Variants in SLC16A10 observed in about 807,000 individuals in gnomAD.
The protein encoded by SLC16A10 is solute carrier family 16 member 10.
A neutral mutation model predicts 40.0 loss-of-function variants in SLC16A10; 27 were observed. That is an observed-to-expected ratio of 0.67 (90% CI 0.50 to 0.93). The LOEUF (loss-of-function observed/expected upper bound fraction) is 0.93, where lower values mean the gene tolerates loss of function less well. Ranked by LOEUF, SLC16A10 falls within the 40% of genes least tolerant of loss-of-function variation. SLC16A10 has a pLI of 0.00. For synonymous variants in SLC16A10, 213 were observed against 249.8 expected (o/e 0.85, Z 1.39); for missense variants, 529 against 658.2 (o/e 0.80, Z 2.15).
At chr6:111,099,742 G>T (rs949323538) in intron 1 of SLC16A10, among the ~76,000 whole-genome samples, 3 of 152,118 alleles carry the variant, frequency 2.0e-5, no homozygotes, top group African/African-American at 7.2e-5. Context: ...AATGATTAAG[G>T]CTGGGCAGAA....
At chr6:111,173,247 T>A (rs1237735930) in intron 2 of SLC16A10, among the ~76,000 whole-genome samples, 1 of 152,220 alleles carries the variant, frequency 6.6e-6, no homozygotes, top group Non-Finnish European at 1.5e-5. Context: ...TAGCTGTTCA[T>A]AGGCTTGATA....
chr6:111,206,794 T>C (rs1773262460), intron 4 of SLC16A10, 59 bp downstream of exon 4: 3 of 1,553,416 alleles, frequency 1.9e-6, no homozygotes, highest in East Asian at 4.5e-5. Context: ...CGATGTCTCA[T>C]TAAATGTACT....
intron 3 of SLC16A10, among the ~76,000 whole-genome samples, chr6:111,194,564 A>C (rs1773047797): frequency 1.3e-5 from 2 of 152,200 alleles, no homozygotes; most frequent in Admixed American, 6.5e-5. Flanking sequence ...GTAGGTTAAC[A>C]GATATCCACG....
chr6:111,161,825 T>A (rs867391471), intron 1 of SLC16A10, among the ~76,000 whole-genome samples: 2 of 152,000 alleles, frequency 1.3e-5, no homozygotes, highest in South Asian at 2.1e-4. Context: ...TTGGTCAGCT[T>A]CTTTGGTCTT....
chr6:111,182,554 G>A (rs550103496), intron 3 of SLC16A10, among the ~76,000 whole-genome samples: 27 of 151,910 alleles, frequency 1.8e-4, no homozygotes, highest in African/African-American at 5.6e-4. Context: ...CATACATCAC[G>A]TATATGTCAA....
At chr6:111,165,602 T>G (rs1772457694) in intron 1 of SLC16A10, among the ~76,000 whole-genome samples, 1 of 152,204 alleles carries the variant, frequency 6.6e-6, no homozygotes, top group Non-Finnish European at 1.5e-5. Flanking sequence ...GCTTTTGAAC[T>G]TTACCAAAAG....
At chr6:111,174,735 G>A (rs530375737) in intron 2 of SLC16A10, among the ~76,000 whole-genome samples, 69 of 152,178 alleles carry the variant, frequency 4.5e-4, no homozygotes, top group Non-Finnish European at 8.8e-5. Context: ...ACCACTTGCC[G>A]AATGTATTAC....
chr6:111,215,780 AGTTT>A (rs1489557673), intron 4 of SLC16A10, among the ~76,000 whole-genome samples: 1 of 152,304 alleles, frequency 6.6e-6, no homozygotes, highest in East Asian at 1.9e-4. Context: ...CAAAGCAAGT[AGTTT>A]GTTTGAGCCC....
At chr6:111,202,884 C>CAAAAAAAAAA (rs567667458) in intron 3 of SLC16A10, among the ~76,000 whole-genome samples, 4 of 86,316 alleles carry the variant, frequency 4.6e-5, no homozygotes, top group African/African-American at 1.4e-4. Context: ...GAGACTCCAT[C>CAAAAAAAAAA]AAAAAAAAAA....
intron 1 of SLC16A10, among the ~76,000 whole-genome samples, chr6:111,128,783 A>G (rs902320869): frequency 6.6e-6 from 1 of 152,100 alleles, no homozygotes; most frequent in African/African-American, 2.4e-5. Context: ...TATAATAATA[A>G]TTATAAAAAT....
chr6:111,130,265 C>T (rs891065896), intron 1 of SLC16A10, among the ~76,000 whole-genome samples: 1 of 152,142 alleles, frequency 6.6e-6, no homozygotes, highest in Non-Finnish European at 1.5e-5. Context: ...GGAGTCAACA[C>T]AATATTTCTA....
rs1771088953 is a variant in SLC16A10, at chr6:111,230,229, C to G, written c.*7994C>G. 1 of 151,954 alleles carries G rather than the reference C, an allele frequency of 6.6e-6. No individual in the cohort carries two copies. The highest frequency in any genetic ancestry group is 6.6e-5 in the Admixed American group (1 of 15,264). The allele number at this position is 151,954 out of a possible 1,614,324, so 9.4% of individuals were successfully genotyped here. A position where few individuals can be genotyped will look rare whatever the true frequency, so the allele number is the denominator to read the frequency against. ...CCTTAAGTGATCCACCTGCCTCAGC[C>G]TCCCCAAGTGCTGGAATTACAGGCA... On this transcript the variant is annotated 3_prime_UTR_variant, in exon 6 of 6. Transcript: ENST00000368851.
intron 4 of SLC16A10, among the ~76,000 whole-genome samples, chr6:111,216,764 T>C (rs900008925): frequency 1.3e-5 from 2 of 152,032 alleles, no homozygotes; most frequent in African/African-American, 4.8e-5. Flanking sequence ...AAGACCATAG[T>C]TTAGTGATTG....
intron 4 of SLC16A10, among the ~76,000 whole-genome samples, chr6:111,213,920 G>A (rs1358988202): frequency 6.6e-6 from 1 of 152,152 alleles, no homozygotes; most frequent in African/African-American, 2.4e-5. Context: ...ACTTTATATG[G>A]GCTAAACTTT....
At chr6:111,183,350 G>A (rs1326345627) in intron 3 of SLC16A10, among the ~76,000 whole-genome samples, 2 of 151,798 alleles carry the variant, frequency 1.3e-5, no homozygotes, top group African/African-American at 4.8e-5. Context: ...CTTCTTTATT[G>A]TAGTCATTGC....
chr6:111,108,826 C>A (rs1211219127), intron 1 of SLC16A10, among the ~76,000 whole-genome samples: 1 of 152,164 alleles, frequency 6.6e-6, no homozygotes, highest in East Asian at 1.9e-4. Context: ...CAAACTTCAC[C>A]TGCTTATGTA....
At chr6:111,177,783 G>A in intron 3 of SLC16A10, 118 bp downstream of exon 3, 1 of 917,194 alleles carries the variant, frequency 1.1e-6, no homozygotes, top group Non-Finnish European at 1.6e-6. Context: ...TGTAATTTTG[G>A]TATTCTTGAA....
rs1770921918 is a variant in SLC16A10, at chr6:111,222,660, T to C, written c.*425T>C. The C allele has an allele frequency of 6.1e-6, 1 of 162,856 alleles. No individual in the cohort carries two copies. Among genetic ancestry groups the C allele is most frequent in the South Asian group, 1.8e-4 (1 of 5,502 alleles). 10.1% of individuals were successfully genotyped at this position (162,856 alleles called of 1,614,324 possible). The stretch of plus-strand genomic sequence containing the variant: ...ACCTCTGTTTTACTTTCTTATGCTC[T>C]TTGGAAACTTTTTGCAAAATTTAAG... On this transcript the variant is annotated 3_prime_UTR_variant, in exon 6 of 6. Coordinates refer to ENST00000368851, the MANE Select transcript of SLC16A10 (RefSeq NM_018593.5).
rs1770982108 is a variant in SLC16A10, at chr6:111,225,602, A to G, written c.*3367A>G. On this transcript the variant is annotated 3_prime_UTR_variant, in exon 6 of 6. Transcript: ENST00000368851. ...ACACAGTTTAAAAGTAAACATGTTT[A>G]CTTCGGATAATTCTAATCCTTTTAG... 2 of 151,804 alleles carry G rather than the reference A, an allele frequency of 1.3e-5. No individual in the cohort carries two copies. Among genetic ancestry groups the G allele is most frequent in the Admixed American group, 1.3e-4 (2 of 15,222 alleles). 9.4% of individuals were successfully genotyped at this position (151,804 alleles called of 1,614,324 possible).
Sources: gnomAD v4.1 joint callset for allele counts (sites outside exome capture counted in the v4.1 genomes callset) on GRCh38, gnomAD v4.1.1 for gene constraint, MANE v1.5 for transcripts, NCBI Gene and HGNC (gene_info 2026-07-23, HGNC 2026-07-21) for gene names.